The following PPP2R3A variants were observed in gnomAD, a reference collection of about 807,000 sequenced individuals.
PPP2R3A encodes serine/threonine-protein phosphatase 2A regulatory subunit B'' subunit alpha.
PPP2R3A carries 80 observed loss-of-function variants against 106.9 expected under a neutral mutation model. The ratio of observed to expected loss-of-function variants is 0.75; its 90% confidence interval spans 0.62 to 0.90. The LOEUF is 0.90. PPP2R3A is among the 40% of genes least tolerant of loss of function. The pLI, the probability that PPP2R3A is intolerant of heterozygous loss-of-function variation, is 0.00. For synonymous variants in PPP2R3A, 483 were observed against 468.3 expected, an observed-to-expected ratio of 1.03 and a Z score of -0.41; for missense variants, 1,386 against 1,350.4, an observed-to-expected ratio of 1.03 and a Z score of -0.41.
intron 13 of PPP2R3A, among the ~76,000 whole-genome samples, chr3:136,120,154 G>T (rs924008104): frequency 6.6e-6 from 1 of 152,038 alleles, no homozygotes; most frequent in African/African-American, 2.4e-5. Context: ...GGGGCTAGGG[G>T]AGTGATAGCA....
intron 1 of PPP2R3A, among the ~76,000 whole-genome samples, chr3:135,976,644 C>T (rs1037684768): frequency 2.0e-5 from 3 of 152,174 alleles, no homozygotes; most frequent in African/African-American, 7.2e-5. Flanking sequence ...TTCCTCCAAT[C>T]TGTTGGAGTC....
chr3:136,147,449 T>G lies in PPP2R3A; in HGVS notation c.*2283T>G, dbSNP rs1353859527. Reference sequence around the variant, plus strand: ...TTGTAATTTACCCACATTATCACATTTTCAGGAATTATAAGAATGTGTTTT... The same window carrying G: ...TTGTAATTTACCCACATTATCACATGTTCAGGAATTATAAGAATGTGTTTT... On this transcript the variant is annotated 3_prime_UTR_variant, in exon 14 of 14. Coordinates refer to ENST00000264977, the MANE Select transcript of PPP2R3A (RefSeq NM_002718.5). 1 of 152,638 alleles carries G rather than the reference T, an allele frequency of 6.6e-6. No individual in the cohort carries two copies. Among genetic ancestry groups the G allele is most frequent in the Non-Finnish European group, 1.5e-5 (1 of 68,038 alleles). The allele number at this position is 152,638 out of a possible 1,614,324, so 9.5% of individuals were successfully genotyped here.
At chr3:136,034,786 C>G (rs1332400176) in intron 3 of PPP2R3A, among the ~76,000 whole-genome samples, 1 of 152,128 alleles carries the variant, frequency 6.6e-6, no homozygotes, top group African/African-American at 2.4e-5. Context: ...TATTGACTTT[C>G]TGTCTTGACC....
chr3:135,990,098 A>C (rs1347535261), intron 1 of PPP2R3A, among the ~76,000 whole-genome samples: 1 of 152,180 alleles, frequency 6.6e-6, no homozygotes, highest in African/African-American at 2.4e-5. Flanking sequence ...AAAAAGACAA[A>C]ACAGTAACTT....
chr3:136,135,394 G>T (rs1938571545), intron 13 of PPP2R3A, among the ~76,000 whole-genome samples: 1 of 152,168 alleles, frequency 6.6e-6, no homozygotes, highest in African/African-American at 2.4e-5. Flanking sequence ...AATAACAACT[G>T]ACCAACTCGT....
At chr3:136,010,258 CTTTTTTTTTTTTT>C (rs35997478) in intron 2 of PPP2R3A, among the ~76,000 whole-genome samples, 1 of 121,282 alleles carries the variant, frequency 8.2e-6, no homozygotes. Context: ...TTCTTTCTTT[CTTTTTTTTTTTTT>C]TTTTTGAGGT....
At chr3:136,089,715 T>C (rs1230574647) in intron 9 of PPP2R3A, among the ~76,000 whole-genome samples, 1 of 152,144 alleles carries the variant, frequency 6.6e-6, no homozygotes, top group Non-Finnish European at 1.5e-5. Flanking sequence ...TTTAACGATA[T>C]TGAATCTTCC....
rs1935610656 is a variant in PPP2R3A at position 136,049,634 on chromosome 3, C to A, written c.2469+273C>A. Among the ~76,000 whole-genome samples the A allele has an allele frequency of 3.3e-5, 5 of 152,238 alleles. No homozygotes were observed. The South Asian group carries it at 1.0e-3, about 32-fold the overall frequency. On this transcript the variant is annotated intron_variant, in intron 5 of 13. Coordinates refer to ENST00000264977, the MANE Select transcript of PPP2R3A (RefSeq NM_002718.5). ...TCCCACTGAAGCAGAGGAGAGGGGCCACTCATCCTCCCCCTTGCCCACCCA... is the reference window on the plus strand; with the variant it reads ...TCCCACTGAAGCAGAGGAGAGGGGCAACTCATCCTCCCCCTTGCCCACCCA...
At chr3:136,030,233 C>T (rs1223914650) in intron 3 of PPP2R3A, among the ~76,000 whole-genome samples, 8 of 142,514 alleles carry the variant, frequency 5.6e-5, no homozygotes, top group East Asian at 2.1e-4. Context: ...AAAGTTGGGG[C>T]GGGGGGGATG....
chr3:136,030,784 A>ATATATATATATATATATATG (rs1934853321), intron 3 of PPP2R3A, among the ~76,000 whole-genome samples: 1 of 116,106 alleles, frequency 8.6e-6, no homozygotes, highest in Admixed American at 7.9e-5. Flanking sequence ...ATATATATGT[A>ATATATATATATATATATATG]TGTATGTATG....
chr3:136,140,442 T>TAAAAAAAAAAAAAAAAAA (rs199699500), intron 13 of PPP2R3A, among the ~76,000 whole-genome samples: 3 of 87,240 alleles, frequency 3.4e-5, no homozygotes, highest in African/African-American at 1.4e-4. Context: ...TGAGACTCTT[T>TAAAAAAAAAAAAAAAAAA]AAAAAAAAAA....
intron 1 of PPP2R3A, among the ~76,000 whole-genome samples, chr3:135,973,310 A>G (rs558203610): frequency 1.3e-5 from 2 of 152,340 alleles, no homozygotes; most frequent in South Asian, 2.1e-4. Context: ...TTTGAAAAGT[A>G]TATATCATTA....
chr3:136,100,903 A>T (rs1461443373), intron 10 of PPP2R3A, among the ~76,000 whole-genome samples: 6 of 152,188 alleles, frequency 3.9e-5, no homozygotes, highest in African/African-American at 1.2e-4. Context: ...TACCAACCAT[A>T]TTAGAGGGTA....
chr3:136,025,600 TATC>T (rs1453106622), intron 2 of PPP2R3A, among the ~76,000 whole-genome samples: 10 of 152,250 alleles, frequency 6.6e-5, no homozygotes, highest in South Asian at 2.1e-4. Context: ...CTAAAATTTT[TATC>T]ATGATTTTTA....
intron 1 of PPP2R3A, among the ~76,000 whole-genome samples, chr3:135,973,494 G>A (rs1445221733): frequency 6.6e-6 from 1 of 152,100 alleles, no homozygotes; most frequent in Non-Finnish European, 1.5e-5. Flanking sequence ...AAAGTCACAG[G>A]GCCCCAGATG....
intron 1 of PPP2R3A, among the ~76,000 whole-genome samples, chr3:135,973,113 T>A (rs144349040): frequency 5.8e-4 from 88 of 152,314 alleles, no homozygotes; most frequent in African/African-American, 2.1e-3. Context: ...TTAATTATTG[T>A]ATGTGAGGTA....
In PPP2R3A at chr3:136,006,997, T is replaced by C. The variant is rs181163686; in HGVS notation, c.1995+3504T>C. 6.6e-5 allele frequency among the ~76,000 whole-genome samples: 10 copies of C among 152,312 alleles called. No individual in the cohort carries two copies. In the East Asian group the frequency reaches 1.9e-3, roughly 29 times the overall value. On this transcript the variant is annotated intron_variant, in intron 2 of 13. Transcript: ENST00000264977. ...GTAAGAAGCCTACCTGTCCTTCAGG[T>C]GGTAACCTTTTCCCATCGGTTTTCT...
At chr3:136,086,120 C>A (rs756076138) in intron 8 of PPP2R3A, among the ~76,000 whole-genome samples, 1 of 150,560 alleles carries the variant, frequency 6.6e-6, no homozygotes, top group South Asian at 2.1e-4. Context: ...GACAGGGAGA[C>A]CCTGTCTCAA....
At chr3:136,136,045 C>CAAAAAAAAAAAAAAAAAAAAAAA (rs34558229) in intron 13 of PPP2R3A, among the ~76,000 whole-genome samples, 1 of 22,364 alleles carries the variant, frequency 4.5e-5, no homozygotes, top group African/African-American at 1.6e-4. Context: ...GACTCCGTCT[C>CAAAAAAAAAAAAAAAAAAAAAAA]AAAAAAAAAA....
Sources: allele counts gnomAD v4.1 joint callset (sites outside exome capture counted in the v4.1 genomes callset), GRCh38; gene constraint gnomAD v4.1.1; transcripts MANE v1.5; gene names NCBI Gene and HGNC (gene_info 2026-07-23, HGNC 2026-07-21).